Variants in ECE1 observed in about 807,000 individuals in gnomAD.
ECE1 encodes endothelin converting enzyme 1.
A neutral mutation model predicts 98.6 loss-of-function variants in ECE1; 35 were observed. That is an observed-to-expected ratio of 0.35 (90% confidence interval 0.27 to 0.47). The LOEUF (loss-of-function observed/expected upper bound fraction) is 0.47. ECE1 is among the 20% of genes least tolerant of loss of function. The probability of loss-of-function intolerance (pLI) is 1.00; values close to 1 mark genes in which losing one functional copy is unlikely to be tolerated. For missense variants in ECE1, 814 were observed against 1,025.3 expected (o/e 0.79, Z 2.81); for synonymous variants, 394 against 407.1 (o/e 0.97, Z 0.39).
intron 17 of ECE1, among the ~76,000 whole-genome samples, chr1:21,224,692 C>A (rs901254853): frequency 6.6e-6 from 1 of 152,140 alleles, no homozygotes; most frequent in Non-Finnish European, 1.5e-5. Flanking sequence ...ACTAACTCTC[C>A]CATCTGACTC....
chr1:21,269,596 A>G (rs1417996482), intron 4 of ECE1, among the ~76,000 whole-genome samples: 1 of 152,160 alleles, frequency 6.6e-6, no homozygotes, highest in Non-Finnish European at 1.5e-5. Context: ...GAACTCACCT[A>G]CCACCACCAA....
chr1:21,236,926 T>C (rs914908507), intron 11 of ECE1, 82 bp from the exon 12 acceptor site: 4 of 1,284,314 alleles, frequency 3.1e-6, no homozygotes, highest in Non-Finnish European at 4.5e-6. Flanking sequence ...AGAACAATGA[T>C]GGCCAGAGAT....
chr1:21,319,673 T>C lies in ECE1; in HGVS notation c.3+25703A>G, dbSNP rs1199274398. ...TCCCTGTCCAACTCTCCTCAGCCTC[T>C]CCTGAGACCTGGCTCCTCATTCTCG... On this transcript the variant is annotated intron_variant, in intron 1 of 18. Transcript: ENST00000415912. This position sits in a 1 kb window ranked among gnomAD's most constrained non-coding sequence, Gnocchi z 4.4. Among the ~76,000 whole-genome samples the C allele has an allele frequency of 6.6e-6, 1 of 152,108 alleles. No homozygotes were observed. Among genetic ancestry groups the C allele is most frequent in the Non-Finnish European group, 1.5e-5 (1 of 68,018 alleles).
At chr1:21,298,858 G>T (rs1327385534) in intron 1 of ECE1, 3 of 456,144 alleles carry the variant, frequency 6.6e-6, no homozygotes, top group Non-Finnish European at 1.3e-5. Context: ...TCCCAGCTGG[G>T]TTTAAGGGGC....
intron 10 of ECE1, among the ~76,000 whole-genome samples, chr1:21,242,638 A>G (rs1458381503): frequency 6.6e-6 from 1 of 151,878 alleles, no homozygotes; most frequent in Non-Finnish European, 1.5e-5. Context: ...CCCTGCTCAG[A>G]CCCTCCCACT....
chr1:21,260,481 T>C lies in ECE1; in HGVS notation c.494-89A>G. ...AGTCCCTCTTTTCGGAGCCTTGGTG[T>C]TCTCAGCTGCAAAGGAGCTCTGACA... On this transcript the variant is annotated intron_variant, in intron 4 of 18. Coordinates refer to ENST00000374893, the MANE Select transcript of ECE1 (RefSeq NM_001397.3). This position sits in a 1 kb window ranked among gnomAD's most constrained non-coding sequence, Gnocchi z 4.3. 6.6e-6 allele frequency: 10 copies of C among 1,522,034 alleles called. No individual in the cohort carries two copies. The highest frequency in any genetic ancestry group is 1.1e-5 in the South Asian group (1 of 89,060). 94.3% of individuals were successfully genotyped at this position (1,522,034 alleles called of 1,614,324 possible).
intron 1 of ECE1, among the ~76,000 whole-genome samples, chr1:21,325,783 C>A (rs1031663326): frequency 1.3e-5 from 2 of 152,236 alleles, no homozygotes; most frequent in Non-Finnish European, 1.5e-5. Context: ...TCCTGCTCCA[C>A]GGAGCAGACA....
intron 1 of ECE1, among the ~76,000 whole-genome samples, chr1:21,313,205 A>G (rs1638765135): frequency 6.6e-6 from 1 of 152,118 alleles, no homozygotes; most frequent in Non-Finnish European, 1.5e-5. Context: ...AGCCCCAGCC[A>G]ATCAGGGTGG....
At chr1:21,325,331 C>T (rs1037041996) in intron 1 of ECE1, among the ~76,000 whole-genome samples, 1 of 152,218 alleles carries the variant, frequency 6.6e-6, no homozygotes, top group Non-Finnish European at 1.5e-5. Flanking sequence ...TCCCCTTCAG[C>T]GGTGAGAAGT....
In ECE1 at chr1:21,238,477, T is replaced by C. The variant is rs3026894; in HGVS notation, c.1279-233A>G. ...CTCTGTGCTGGGACTTCACAAATAGTGTCCCGTTGAGCCATTCAATGACCC... is the reference window on the plus strand; with the variant it reads ...CTCTGTGCTGGGACTTCACAAATAGCGTCCCGTTGAGCCATTCAATGACCC... On this transcript the variant is annotated intron_variant, in intron 10 of 18. Coordinates refer to ENST00000374893, the MANE Select transcript of ECE1 (RefSeq NM_001397.3). 6.6e-3 allele frequency: 3,869 copies of C among 587,334 alleles called. 31 individuals are homozygous for C. Among genetic ancestry groups the C allele is most frequent in the Non-Finnish European group, 9.3e-3 (3,043 of 326,538 alleles). 36.4% of individuals were successfully genotyped at this position (587,334 alleles called of 1,614,324 possible). A position where few individuals can be genotyped will look rare whatever the true frequency, so the allele number is the denominator to read the frequency against.
At position 21,219,522 on chromosome 1, in the gene ECE1, T is replaced by C. The variant is rs1316564655; in HGVS notation, c.*433A>G. On this transcript the variant is annotated 3_prime_UTR_variant, in exon 19 of 19. Coordinates refer to ENST00000374893, the MANE Select transcript of ECE1 (RefSeq NM_001397.3). This position sits in a 1 kb window ranked among gnomAD's most constrained non-coding sequence, Gnocchi z 4.5. Reference sequence around the variant, plus strand: ...ATTTAGAAAAACAGAACATAATAAATATACCAATTCTTTCCTTAAAAAAAA... The same window carrying C: ...ATTTAGAAAAACAGAACATAATAAACATACCAATTCTTTCCTTAAAAAAAA... 1 of 195,400 alleles carries C rather than the reference T, an allele frequency of 5.1e-6. No homozygotes were observed. The highest frequency in any genetic ancestry group is 1.1e-5 in the Non-Finnish European group (1 of 92,494). 12.1% of individuals were successfully genotyped at this position (195,400 alleles called of 1,614,324 possible).
intron 15 of ECE1, 64 bp downstream of exon 15, chr1:21,227,867 C>G: frequency 7.6e-7 from 1 of 1,320,126 alleles, no homozygotes; most frequent in South Asian, 1.3e-5. Context: ...TGGCTTAGGT[C>G]GTATGGGCCC....
At chr1:21,241,412 G>A (rs573600227) in intron 10 of ECE1, among the ~76,000 whole-genome samples, 1 of 150,224 alleles carries the variant, frequency 6.7e-6, no homozygotes, top group East Asian at 2.0e-4. Context: ...CAGGGAGTAA[G>A]TGGTTGAGGT....
At chr1:21,279,571 CTTG>C in intron 2 of ECE1, 1 of 1,441,840 alleles carries the variant, frequency 6.9e-7, no homozygotes, top group Non-Finnish European at 9.1e-7. Flanking sequence ...CCCCGACAGG[CTTG>C]TTTTTTTGTG....
At position 21,258,615 on chromosome 1, in the gene ECE1, A is replaced by AACCC; in HGVS notation, c.762+77_762+78insGGGT. 1 of 811,880 alleles carries AACCC rather than the reference A, an allele frequency of 1.2e-6. No homozygotes were observed. The highest frequency in any genetic ancestry group is 1.9e-6 in the Non-Finnish European group (1 of 513,448). The allele number at this position is 811,880 out of a possible 1,614,324, so 50.3% of individuals were successfully genotyped here. On this transcript the variant is annotated intron_variant, in intron 6 of 18. Coordinates refer to ENST00000374893, the MANE Select transcript of ECE1 (RefSeq NM_001397.3). This position sits in a 1 kb window ranked among gnomAD's most constrained non-coding sequence, Gnocchi z 4.2. ...CCCACCCAGGGCAAGCCCCTCTCCCACCCCAGGTCCTGCTAAACTCAAAAC... is the reference window on the plus strand; with the variant it reads ...CCCACCCAGGGCAAGCCCCTCTCCCAACCCCCCCAGGTCCTGCTAAACTCAAAAC...
chr1:21,284,248 G>A (rs1407730176), intron 2 of ECE1, among the ~76,000 whole-genome samples: 2 of 152,194 alleles, frequency 1.3e-5, no homozygotes, highest in South Asian at 2.1e-4. Context: ...ATGAGGTCCC[G>A]TCAAGCATGG....
intron 14 of ECE1, among the ~76,000 whole-genome samples, chr1:21,232,563 T>C (rs999855743): frequency 1.3e-5 from 2 of 152,094 alleles, no homozygotes; most frequent in Non-Finnish European, 2.9e-5. Context: ...GCCTGCAAAG[T>C]GCTGGGATTG....
In ECE1 at chr1:21,282,853, T is replaced by C. The variant is rs539254774; in HGVS notation, c.139-3521A>G. Among the ~76,000 whole-genome samples the C allele has an allele frequency of 3.3e-5, 5 of 151,300 alleles. No homozygotes were observed. In the East Asian group the frequency reaches 7.8e-4, roughly 24 times the overall value. ...GGATAGGAAAGGGAAAAAAGAACAA[T>C]GGCAGCAAATAAATACTTGAGTGCT... is the stretch of plus-strand genomic sequence containing the variant. On this transcript the variant is annotated intron_variant, in intron 2 of 18. Transcript: ENST00000374893.
chr1:21,303,926 C>T (rs1421094284), intron 1 of ECE1, among the ~76,000 whole-genome samples: 1 of 151,686 alleles, frequency 6.6e-6, no homozygotes, highest in African/African-American at 2.4e-5. Context: ...GTTGGGATTA[C>T]AGGCATGAGT....
Sources: gnomAD v4.1 joint callset for allele counts (sites outside exome capture counted in the v4.1 genomes callset) on GRCh38, gnomAD v4.1.1 for gene constraint, Gnocchi (gnomAD v3.1) non-coding constraint, MANE v1.5 for transcripts, NCBI Gene and HGNC (gene_info 2026-07-23, HGNC 2026-07-21) for gene names.